Variants in ACSL6 observed in about 807,000 individuals in gnomAD.
ACSL6 encodes acyl-CoA synthetase long chain family member 6, also known as long-chain-fatty-acid--CoA ligase 6.
A neutral mutation model predicts 98.2 loss-of-function variants in ACSL6; 47 were observed. The ratio of observed to expected loss-of-function variants is 0.48; its 90% CI spans 0.38 to 0.61. The LOEUF (loss-of-function observed/expected upper bound fraction) is 0.61, where lower values mean the gene tolerates loss of function less well. Among genes scored for constraint, ACSL6 ranks in the 20% least tolerant of loss-of-function variants. ACSL6 has a pLI of 0.00. For synonymous variants in ACSL6, 362 were observed against 336.9 expected (o/e 1.07, Z -0.82); for missense variants, 761 against 913.4 (o/e 0.83, Z 2.15).
chr5:132,000,957 T>C (rs548791759), intron 1 of ACSL6, among the ~76,000 whole-genome samples: 24 of 152,090 alleles, frequency 1.6e-4, no homozygotes, highest in Non-Finnish European at 3.4e-4. Flanking sequence ...GGGTGAGCCA[T>C]GAGAAGAGCG....
Position 131,960,561 on chromosome 5 carries a change from T to C in ACSL6, c.1918A>G (p.Arg640Gly), listed in dbSNP as rs1752653856. ...TCTGCATATGTTCCTTCAATTCCTC[T>C]CTTCTGGGCCCAGGAGGGCATAACT... Reference protein sequence around the residue: ...PEVMPSWAQKRGIEGTYADLC... With the variant: ...PEVMPSWAQKGGIEGTYADLC... The change falls in exon 19 of 21, where the codon AGA becomes GGA. Residue 640 changes from arginine (R) to glycine (G), a missense_variant. Transcript: ENST00000651883. The C allele has an allele frequency of 6.2e-7, 1 of 1,614,070 alleles. No homozygotes were observed. Among genetic ancestry groups the C allele is most frequent in the South Asian group, 1.1e-5 (1 of 91,054 alleles).
At chr5:131,975,863 C>A (rs1420073422) in intron 10 of ACSL6, 1 of 985,354 alleles carries the variant, frequency 1.0e-6, no homozygotes, top group East Asian at 1.1e-4. Flanking sequence ...CCAGCTTGGG[C>A]AAACCTTGGC....
chr5:132,004,504 T>A (rs1755275732), intron 1 of ACSL6, among the ~76,000 whole-genome samples: 1 of 152,188 alleles, frequency 6.6e-6, no homozygotes, highest in Non-Finnish European at 1.5e-5. Context: ...CCAAGGGAGA[T>A]ATGTCTTGTC....
intron 9 of ACSL6, among the ~76,000 whole-genome samples, chr5:131,977,265 T>A (rs1328199767): frequency 2.0e-5 from 3 of 152,106 alleles, no homozygotes; most frequent in African/African-American, 7.2e-5. Flanking sequence ...ACACAAATAT[T>A]CTTGCTTTGT....
intron 5 of ACSL6, 68 bp from the exon 6 acceptor site, chr5:131,988,972 T>A (rs1370279448): frequency 3.5e-6 from 5 of 1,421,812 alleles, no homozygotes; most frequent in Non-Finnish European, 5.0e-6. Context: ...CCCTTAGGCC[T>A]AGGTAACCAG....
intron 17 of ACSL6, 149 bp from the exon 18 acceptor site, chr5:131,962,827 G>T: frequency 2.2e-6 from 2 of 906,810 alleles, no homozygotes; most frequent in Non-Finnish European, 1.6e-6. Context: ...TTAGGGAGCT[G>T]CAGGGCTCCT....
chr5:132,011,515 C>G lies in ACSL6; in HGVS notation c.39G>C (p.Trp13Cys). 6.2e-7 allele frequency: 1 copy of G among 1,607,272 alleles called. No individual in the cohort carries two copies. The highest frequency in any genetic ancestry group is 2.3e-5 in the East Asian group (1 of 43,754). ...TFFLVSGGSL[W>C]LFVEFVLSLL... ...AGGACGGGCACTTACCTACGAATAG[C>G]CAGAGGGAGCCCCCCGACACGAGGA... Residue 13 changes from tryptophan (W) to cysteine (C), a missense_variant, in exon 1 of 21, where the codon TGG becomes TGC. Coordinates refer to ENST00000651883, the MANE Select transcript of ACSL6 (RefSeq NM_001009185.3). The surrounding 1 kb of genome is among the most constrained non-coding windows in gnomAD (Gnocchi z 5.4).
Position 131,990,184 on chromosome 5 carries a change from C to G in ACSL6, c.386-20G>C, listed in dbSNP as rs1431403317. The G allele has an allele frequency of 6.2e-7, 1 of 1,613,582 alleles. No individual in the cohort carries two copies. Among genetic ancestry groups the G allele is most frequent in the African/African-American group, 1.3e-5 (1 of 75,034 alleles). ...CATTCCCTGTAGAGAGATAAGAAAG[C>G]CTTGTGTCAGAGAGGGGTCAGAGTG... On this transcript the variant is annotated intron_variant, in intron 3 of 20. Transcript: ENST00000651883.
chr5:131,984,075 A>G (rs1754038870), intron 9 of ACSL6: 1 of 152,250 alleles, frequency 6.6e-6, no homozygotes, highest in African/African-American at 2.4e-5. Flanking sequence ...AGTGCTCTTT[A>G]AAAAGCAACA....
At chr5:132,009,223 T>A (rs1755579672) in intron 1 of ACSL6, among the ~76,000 whole-genome samples, 2 of 152,128 alleles carry the variant, frequency 1.3e-5, no homozygotes, top group Non-Finnish European at 2.9e-5. Flanking sequence ...TTATGTCATC[T>A]CTCCCTGAGG....
chr5:132,000,054 GCTAGCTCTCTGGC>G (rs1278005907), intron 1 of ACSL6, among the ~76,000 whole-genome samples: 1 of 152,036 alleles, frequency 6.6e-6, no homozygotes, highest in Non-Finnish European at 1.5e-5. Flanking sequence ...GGATGGGGAT[GCTAGCTCTCTGGC>G]ACTGAGGGCG....
At chr5:131,988,548 G>A (rs763569701) in intron 6 of ACSL6, 1 of 1,550,434 alleles carries the variant, frequency 6.4e-7, no homozygotes, top group African/African-American at 1.4e-5. Context: ...AACTTCAGAG[G>A]GCTGTACCCT....
chr5:131,970,706 T>TA (rs1240760469), intron 14 of ACSL6, among the ~76,000 whole-genome samples: 2 of 152,184 alleles, frequency 1.3e-5, no homozygotes, highest in African/African-American at 4.8e-5. Flanking sequence ...GTGCTATTTT[T>TA]ATCACAGACA....
intron 20 of ACSL6, among the ~76,000 whole-genome samples, chr5:131,955,711 A>T (rs888447376): frequency 1.3e-5 from 2 of 152,218 alleles, no homozygotes; most frequent in Admixed American, 1.3e-4. Flanking sequence ...TTTTTATATA[A>T]GATGTCATCT....
chr5:131,986,604 CT>C (rs1335020816), intron 8 of ACSL6, among the ~76,000 whole-genome samples: 1 of 152,206 alleles, frequency 6.6e-6, no homozygotes, highest in African/African-American at 2.4e-5. Flanking sequence ...ATTGGCAGCT[CT>C]TTTTTCTCCC....
chr5:131,971,862 A>G (rs1255836545), intron 13 of ACSL6, among the ~76,000 whole-genome samples: 1 of 152,190 alleles, frequency 6.6e-6, no homozygotes, highest in African/African-American at 2.4e-5. Context: ...TCAATCCACC[A>G]TATGACCAAT....
At chr5:131,986,421 A>G (rs1462182005) in intron 8 of ACSL6, among the ~76,000 whole-genome samples, 1 of 152,250 alleles carries the variant, frequency 6.6e-6, no homozygotes, top group Non-Finnish European at 1.5e-5. Flanking sequence ...AGAACAGTTC[A>G]CAAAGCAAAG....
intron 1 of ACSL6, chr5:132,006,485 T>A (rs1755415017): frequency 6.6e-6 from 1 of 152,136 alleles, no homozygotes; most frequent in Admixed American, 6.5e-5. Context: ...TCCACAGCAC[T>A]CCCCTAACCC....
intron 1 of ACSL6, among the ~76,000 whole-genome samples, chr5:132,004,153 T>C (rs422090): frequency 0.36 from 55,034 of 151,262 alleles, 11,435 homozygotes; most frequent in South Asian, 0.66. Context: ...ATGTGCGGGA[T>C]CACTAGCTTC....
Sources: gnomAD v4.1 joint callset for allele counts (sites outside exome capture counted in the v4.1 genomes callset) on GRCh38, gnomAD v4.1.1 for gene constraint, Gnocchi (gnomAD v3.1) non-coding constraint, MANE v1.5 for transcripts, NCBI Gene and HGNC (gene_info 2026-07-23, HGNC 2026-07-21) for gene names.